The following DMD variants were observed in gnomAD, a reference collection of about 807,000 sequenced individuals.
DMD encodes the protein dystrophin, also known as mutant dystrophin.
DMD carries 63 observed loss-of-function variants against 330.1 expected under a neutral mutation model. The ratio of observed to expected loss-of-function variants is 0.19; its 90% CI spans 0.16 to 0.24. The LOEUF is 0.24. Among genes scored for constraint, DMD ranks in the 10% least tolerant of loss-of-function variants. The probability of loss-of-function intolerance (pLI) is 1.00; values close to 1 mark genes in which losing one functional copy is unlikely to be tolerated. For synonymous variants in DMD, 1,223 were observed against 959.8 expected, an observed-to-expected ratio of 1.27 and a Z score of -5.07; for missense variants, 3,344 against 2,684.1, an observed-to-expected ratio of 1.25 and a Z score of -5.43.
chrX:33,246,823 T>G (rs1372983953), intron 1 of DMD, among the ~76,000 whole-genome samples: 3 of 110,125 alleles, frequency 2.7e-5, no homozygotes, highest in Non-Finnish European at 1.9e-5. Context: ...ATAGCTGGGA[T>G]TACAGGCGCA....
intron 46 of DMD, 97 bp from the exon 47 acceptor site, chrX:31,929,842 G>T: frequency 9.4e-7 from 1 of 1,061,122 alleles, no homozygotes; most frequent in Non-Finnish European, 1.3e-6. Flanking sequence ...AAAATGAAGC[G>T]ACTTGACCGA....
rs1005351643 is a variant in DMD at position 33,262,392 on chromosome X, A to C, written c.7+76867T>G. On this transcript the variant is annotated intron_variant, in intron 1 of 17. Coordinates refer to the DMD transcript ENST00000288447. ...AAGAAGAGAATGAATGGAATTGCAG[A>C]GAAGCCAGATTTAAAGATAATGGCT... Among the ~76,000 whole-genome samples, 3 of 111,534 alleles carry C rather than the reference A, an allele frequency of 2.7e-5. No homozygotes were observed. In the East Asian group the frequency reaches 8.4e-4, roughly 31 times the overall value.
chrX:33,238,350 G>C (rs766173675), intron 1 of DMD, among the ~76,000 whole-genome samples: 2 of 111,960 alleles, frequency 1.8e-5, no homozygotes, highest in Non-Finnish European at 3.8e-5. Flanking sequence ...ACACACAAGT[G>C]ATAATACCTA....
chrX:32,604,032 TA>T (rs2056458431), intron 12 of DMD, among the ~76,000 whole-genome samples: 1 of 110,396 alleles, frequency 9.1e-6, no homozygotes, highest in Non-Finnish European at 1.9e-5. Flanking sequence ...CAAAGGCAGG[TA>T]AGGACACAAC....
intron 2 of DMD, among the ~76,000 whole-genome samples, chrX:32,859,785 G>A (rs2081937711): frequency 9.0e-6 from 1 of 110,724 alleles, no homozygotes; most frequent in Non-Finnish European, 1.9e-5. Context: ...TGTCTTTGTT[G>A]CAGGTGGCAT....
At chrX:33,001,938 CATT>C (rs1416153188) in intron 2 of DMD, among the ~76,000 whole-genome samples, 22 of 111,432 alleles carry the variant, frequency 2.0e-4, no homozygotes, top group African/African-American at 6.8e-4. Flanking sequence ...TAGGCATCAA[CATT>C]ATACTTTAAT....
intron 2 of DMD, among the ~76,000 whole-genome samples, chrX:32,946,775 G>A (rs2090844928): frequency 9.0e-6 from 1 of 111,049 alleles, no homozygotes; most frequent in South Asian, 3.7e-4. Context: ...CTGCTATATT[G>A]TTTACAAGTT....
intron 1 of DMD, among the ~76,000 whole-genome samples, chrX:33,296,624 G>A (rs2053588556): frequency 9.0e-6 from 1 of 110,677 alleles, no homozygotes; most frequent in East Asian, 2.8e-4. Flanking sequence ...CTTCCAGACT[G>A]AGCACCCATT....
intron 2 of DMD, among the ~76,000 whole-genome samples, chrX:33,016,275 G>A (rs1237809025): frequency 1.8e-5 from 2 of 111,278 alleles, no homozygotes; most frequent in Non-Finnish European, 3.8e-5. Context: ...GGCTCCAGAG[G>A]AATGTCTTCA....
At chrX:32,650,156 C>G (rs1041549265) in intron 9 of DMD, among the ~76,000 whole-genome samples, 1 of 111,716 alleles carries the variant, frequency 9.0e-6, no homozygotes, top group South Asian at 3.7e-4. Context: ...GAAAAAATAG[C>G]TGGGACACTA....
At chrX:33,174,389 C>A (rs1462032215) in intron 1 of DMD, among the ~76,000 whole-genome samples, 2 of 111,577 alleles carry the variant, frequency 1.8e-5, no homozygotes, top group East Asian at 2.8e-4. Context: ...CTGTGGATTT[C>A]TTCATATCTG....
chrX:32,349,364 T>C (rs776581212), intron 37 of DMD, among the ~76,000 whole-genome samples: 2 of 111,774 alleles, frequency 1.8e-5, no homozygotes, highest in East Asian at 5.6e-4. Context: ...ATGCTGTATT[T>C]CTTTCCATTA....
chrX:32,823,980 C>T (rs990946068), intron 4 of DMD, among the ~76,000 whole-genome samples: 1 of 111,835 alleles, frequency 8.9e-6, no homozygotes, highest in East Asian at 2.8e-4. Flanking sequence ...TAAACACAAG[C>T]ATCTGAAAAG....
chrX:31,558,288 G>A (rs1482431017), intron 55 of DMD, among the ~76,000 whole-genome samples: 3 of 111,459 alleles, frequency 2.7e-5, no homozygotes, highest in Admixed American at 9.6e-5. Flanking sequence ...CATGGAACTA[G>A]TCTCCACCTG....
At chrX:33,054,255 C>T (rs750405853) in intron 1 of DMD, among the ~76,000 whole-genome samples, 97 of 111,765 alleles carry the variant, frequency 8.7e-4, no homozygotes, top group African/African-American at 2.5e-3. Context: ...GGGTTTATTA[C>T]GAATGTTTCT....
At chrX:31,590,614 T>G (rs953587799) in intron 55 of DMD, among the ~76,000 whole-genome samples, 12 of 111,474 alleles carry the variant, frequency 1.1e-4, no homozygotes, top group Non-Finnish European at 5.7e-5. Context: ...TACTTTCTTA[T>G]CACAAAGTTC....
intron 44 of DMD, among the ~76,000 whole-genome samples, chrX:32,132,868 G>A (rs1178897322): frequency 9.1e-6 from 1 of 110,437 alleles, no homozygotes; most frequent in African/African-American, 3.3e-5. Flanking sequence ...TGGTTATATA[G>A]CTAGAAAGTC....
intron 46 of DMD, among the ~76,000 whole-genome samples, 189 bp downstream of exon 46, chrX:31,931,891 T>C (rs2094858796): frequency 9.0e-6 from 1 of 111,178 alleles, no homozygotes; most frequent in African/African-American, 3.3e-5. Context: ...CACACACATA[T>C]ATACATATGT....
In DMD at chrX:33,028,648, G is replaced by A. The variant is rs189668985; in HGVS notation, c.32-8448C>T. Among the ~76,000 whole-genome samples the A allele has an allele frequency of 5.4e-5, 6 of 112,111 alleles. No individual in the cohort carries two copies. The East Asian group carries it at 8.4e-4, about 16-fold the overall frequency. ...GACACTCACTATTAAGATCTAGGTCGAATGTGAGGGTTTTCACAATCACAC... is the reference window on the plus strand; with the variant it reads ...GACACTCACTATTAAGATCTAGGTCAAATGTGAGGGTTTTCACAATCACAC... On this transcript the variant is annotated intron_variant, in intron 1 of 78. Transcript: ENST00000357033.
Sources: gnomAD v4.1 joint callset for allele counts (sites outside exome capture counted in the v4.1 genomes callset) on GRCh38, gnomAD v4.1.1 for gene constraint, MANE v1.5 for transcripts, NCBI Gene and HGNC (gene_info 2026-07-23, HGNC 2026-07-21) for gene names.